Variants in ABCC5 observed in about 807,000 individuals in gnomAD.
ABCC5 encodes the protein ATP-binding cassette sub-family C member 5.
A neutral mutation model predicts 160.9 loss-of-function variants in ABCC5; 61 were observed. The observed-to-expected ratio is 0.38, with a 90% CI of 0.31 to 0.47. The LOEUF (loss-of-function observed/expected upper bound fraction) is 0.47, where lower values mean the gene tolerates loss of function less well. Among genes scored for constraint, ABCC5 ranks in the 20% least tolerant of loss-of-function variants. The pLI, the probability that ABCC5 is intolerant of heterozygous loss-of-function variation, is 0.99. For missense variants in ABCC5, 1,308 were observed against 1,813.3 expected, an observed-to-expected ratio of 0.72 and a Z score of 5.06; for synonymous variants, 666 against 700.6, an observed-to-expected ratio of 0.95 and a Z score of 0.78.
At chr3:183,961,806 G>A in intron 15 of ABCC5, 152 bp from the exon 16 acceptor site, 9 of 942,212 alleles carry the variant, frequency 9.6e-6, no homozygotes, top group Non-Finnish European at 1.2e-5. Flanking sequence ...TTGAGGCAGA[G>A]TCTTGCTCTG....
chr3:183,925,723 C>A lies in ABCC5; in HGVS notation c.4048-4G>T, dbSNP rs1158132993. ...TGGCTTCATCTAAAATCAGAATCTGCCAGAGAAGCAGAGGAGAAAGAAACT... is the reference window on the plus strand; with the variant it reads ...TGGCTTCATCTAAAATCAGAATCTGACAGAGAAGCAGAGGAGAAAGAAACT... On this transcript the variant is annotated splice_region_variant and splice_polypyrimidine_tract_variant and intron_variant, in intron 28 of 29. Coordinates refer to ENST00000334444, the MANE Select transcript of ABCC5 (RefSeq NM_005688.4). 2 of 1,610,968 alleles carry A rather than the reference C, an allele frequency of 1.2e-6. No homozygotes were observed. Among genetic ancestry groups the A allele is most frequent in the Middle Eastern group, 1.6e-4 (1 of 6,062 alleles).
At chr3:183,970,915 C>T (rs1304130945) in intron 11 of ABCC5, among the ~76,000 whole-genome samples, 3 of 152,196 alleles carry the variant, frequency 2.0e-5, no homozygotes, top group Non-Finnish European at 4.4e-5. Flanking sequence ...GTTTGATACT[C>T]ATGAAATGGC....
rs1393607620 is a variant in ABCC5, at chr3:183,965,049, C to T, written c.2031+136G>A. On this transcript the variant is annotated intron_variant, in intron 14 of 29. Transcript: ENST00000334444. ...CCTGCCCTAATGGACACATGCTTTC[C>T]TAACACAAAGGCCTAATGACAGCCT... The T allele has an allele frequency of 3.7e-6, 3 of 809,992 alleles. No homozygotes were observed. In the Admixed American group the frequency reaches 7.8e-5, roughly 21 times the overall value. 50.2% of individuals were successfully genotyped at this position (809,992 alleles called of 1,614,324 possible).
chr3:183,965,538 C>G, intron 12 of ABCC5, 37 bp from the exon 13 acceptor site: 1 of 1,612,010 alleles, frequency 6.2e-7, no homozygotes, highest in Non-Finnish European at 8.5e-7. Context: ...CATCATAACT[C>G]AAAACCATCA....
Position 183,989,346 on chromosome 3 carries a change from G to T in ABCC5, c.167C>A (p.Ala56Asp), listed in dbSNP as rs759630947. The T allele has an allele frequency of 5.6e-6, 9 of 1,613,958 alleles. No homozygotes were observed. The highest frequency in any genetic ancestry group is 7.6e-6 in the Non-Finnish European group (9 of 1,179,950). ...GGAGGCATCAAGAGAGAGGCCCTCG[G>T]CTCGGGCTGCTGTTTCCAAGGCATC... ...CQDALETAAR[A>D]EGLSLDASMH... Residue 56 changes from alanine (A) to aspartate (D), a missense_variant, in exon 3 of 30, where the codon GCC becomes GAC. Ala to Asp is a moderately radical substitution (Grantham distance 126, BLOSUM62 -2). This residue lies in a region of ABCC5 where 1,142 missense variants were observed against 1,527.1 expected (regional missense o/e 0.75). Transcript: ENST00000334444.
At chr3:183,993,726 C>T (rs1429424863) in intron 2 of ABCC5, among the ~76,000 whole-genome samples, 3 of 151,994 alleles carry the variant, frequency 2.0e-5, no homozygotes, top group Non-Finnish European at 4.4e-5. Context: ...TTCTATGTGG[C>T]AAAATATATA....
In ABCC5 at chr3:183,971,929, G is replaced by A. The variant is rs751584368; in HGVS notation, c.1405-10C>T. ...CCATTAGAAACAAACTCTGATAGGA[G>A]TTGTGAGAGAGGTGCAAAGATGAGA... On this transcript the variant is annotated splice_polypyrimidine_tract_variant and intron_variant, in intron 10 of 29. Transcript: ENST00000334444. The A allele has an allele frequency of 6.2e-7, 1 of 1,613,642 alleles. No individual in the cohort carries two copies. The highest frequency in any genetic ancestry group is 2.2e-5 in the East Asian group (1 of 44,874).
At position 184,014,357 on chromosome 3, in the gene ABCC5, G is replaced by A. The variant is rs763847998; in HGVS notation, c.36C>T (p.Ile12=). 1.9e-6 allele frequency: 3 copies of A among 1,613,600 alleles called. No homozygotes were observed. Among genetic ancestry groups the A allele is most frequent in the Non-Finnish European group, 2.5e-6 (3 of 1,179,634 alleles). Residue 12 remains isoleucine, a synonymous_variant, in exon 2 of 30, where the codon ATC becomes ATT. Transcript: ENST00000334444. The stretch of plus-strand genomic sequence containing the variant: ...TCACACTTCTATACCCAGGACTGGG[G>A]ATGATATACTCTTTTCCTATGTCGA... ...KDIDIGKEYI[I]PSPGYRSVRE... is the part of the protein sequence containing the mutation.
At position 184,014,753 on chromosome 3, in the gene ABCC5, G is replaced by A. The variant is rs139044512; in HGVS notation, c.-55-306C>T. On this transcript the variant is annotated intron_variant, in intron 1 of 29. Coordinates refer to ENST00000334444, the MANE Select transcript of ABCC5 (RefSeq NM_005688.4). The stretch of plus-strand genomic sequence containing the variant: ...TTCTCTTCAACTAAGCTCAAATCCA[G>A]TGTATACAATAGAAAGGTTGGTTTT... 8.6e-4 allele frequency among the ~76,000 whole-genome samples: 131 copies of A among 151,820 alleles called. 3 individuals carry two copies. The highest frequency in any genetic ancestry group is 3.4e-3 in the Middle Eastern group (1 of 292).
chr3:184,015,169 G>A (rs1722087205), intron 1 of ABCC5, among the ~76,000 whole-genome samples: 1 of 152,024 alleles, frequency 6.6e-6, no homozygotes, highest in Non-Finnish European at 1.5e-5. Flanking sequence ...AAAGCTGTTA[G>A]TAAAAAACAA....
rs1365571519 is a variant in ABCC5, at chr3:183,987,201, T to G, written c.591+569A>C. The G allele has an allele frequency of 5.9e-6, 1 of 169,574 alleles. No homozygotes were observed. Among genetic ancestry groups the G allele is most frequent in the Non-Finnish European group, 1.3e-5 (1 of 78,000 alleles). 10.5% of individuals were successfully genotyped at this position (169,574 alleles called of 1,614,324 possible). On this transcript the variant is annotated intron_variant, in intron 5 of 29. Coordinates refer to ENST00000334444, the MANE Select transcript of ABCC5 (RefSeq NM_005688.4). This position sits in a 1 kb window ranked among gnomAD's most constrained non-coding sequence, Gnocchi z 4.2. ...GAACGTCAAAGGCTCTCTTGTCTAC[T>G]CTGCATCAGTACAGACTGGGGAAAA... is the stretch of plus-strand genomic sequence containing the variant.
rs1346777097 is a variant in ABCC5, at chr3:183,921,299, G to A, written c.*1C>T. 10 of 1,530,030 alleles carry A rather than the reference G, an allele frequency of 6.5e-6. No individual in the cohort carries two copies. In the Admixed American group the frequency reaches 1.7e-4, roughly 26 times the overall value. The allele number at this position is 1,530,030 out of a possible 1,614,324, so 94.8% of individuals were successfully genotyped here. ...AAAGAGACTTCGTCAACAGGGAGGAGTCAGCCCTTGACAGCGACCTTGTTC... is the reference window on the plus strand; with the variant it reads ...AAAGAGACTTCGTCAACAGGGAGGAATCAGCCCTTGACAGCGACCTTGTTC... On this transcript the variant is annotated 3_prime_UTR_variant, in exon 30 of 30. Coordinates refer to ENST00000334444, the MANE Select transcript of ABCC5 (RefSeq NM_005688.4). The surrounding 1 kb of genome is among the most constrained non-coding windows in gnomAD (Gnocchi z 4.1).
chr3:184,014,569 A>T, intron 1 of ABCC5, 122 bp from the exon 2 acceptor site: 1 of 461,288 alleles, frequency 2.2e-6, no homozygotes, highest in Non-Finnish European at 3.4e-6. Flanking sequence ...TTCTACTGTT[A>T]TAGCTACAAA....
In ABCC5 at chr3:183,925,816, A is replaced by G. The variant is rs1712483373; in HGVS notation, c.4048-97T>C. The G allele has an allele frequency of 2.6e-5, 31 of 1,213,342 alleles. No homozygotes were observed. The South Asian group carries it at 4.4e-4, about 17-fold the overall frequency. 75.2% of individuals were successfully genotyped at this position (1,213,342 alleles called of 1,614,324 possible). A position where few individuals can be genotyped will look rare whatever the true frequency, so the allele number is the denominator to read the frequency against. ...AAAATGTATTTCATTTAAGTTTTAC[A>G]CTATCTATTGTTTTCTTTTCTTTCT... On this transcript the variant is annotated intron_variant, in intron 28 of 29. Transcript: ENST00000334444.
At chr3:183,993,872 A>G (rs1459024423) in intron 2 of ABCC5, among the ~76,000 whole-genome samples, 1 of 152,110 alleles carries the variant, frequency 6.6e-6, no homozygotes, top group Non-Finnish European at 1.5e-5. Flanking sequence ...TGCCTCATAC[A>G]TCATCGAGGT....
At chr3:183,995,137 T>C (rs1720162216) in intron 2 of ABCC5, among the ~76,000 whole-genome samples, 1 of 152,084 alleles carries the variant, frequency 6.6e-6, no homozygotes, top group Admixed American at 6.6e-5. Flanking sequence ...ATTTTCTAAG[T>C]GAATTTTTTT....
intron 5 of ABCC5, chr3:183,984,857 C>T (rs2108859223): frequency 6.3e-7 from 1 of 1,585,936 alleles, no homozygotes; most frequent in Non-Finnish European, 8.5e-7. Flanking sequence ...CCTGTTCCCA[C>T]ACACCTCGGC....
intron 17 of ABCC5, among the ~76,000 whole-genome samples, chr3:183,957,871 T>C (rs1197385729): frequency 7.5e-5 from 9 of 119,392 alleles, no homozygotes; most frequent in East Asian, 5.2e-4. Flanking sequence ...ATCTGTTACA[T>C]GCGGATCCGT....
intron 11 of ABCC5, among the ~76,000 whole-genome samples, chr3:183,970,132 C>T (rs958776610): frequency 6.6e-6 from 1 of 152,214 alleles, no homozygotes; most frequent in Non-Finnish European, 1.5e-5. Context: ...CCTCTTCCCA[C>T]TTGGAGTAAA....
Sources: gnomAD v4.1 joint callset for allele counts (sites outside exome capture counted in the v4.1 genomes callset) on GRCh38, gnomAD v4.1.1 for gene constraint, gnomAD v4.1.1 regional missense constraint, Gnocchi (gnomAD v3.1) non-coding constraint, MANE v1.5 for transcripts, NCBI Gene and HGNC (gene_info 2026-07-23, HGNC 2026-07-21) for gene names.